PARP16: variants seen among roughly 807,000 people sequenced by gnomAD.
PARP16 encodes the protein poly(ADP-ribose) polymerase family member 16.
PARP16 carries 31 observed loss-of-function variants against 35.0 expected under a neutral mutation model. The observed-to-expected ratio is 0.88, with a 90% CI of 0.66 to 1.19. PARP16 has a LOEUF of 1.19. Ranked by LOEUF, PARP16 falls within the 50% of genes most tolerant of loss-of-function variation. The pLI is 0.00. For synonymous variants in PARP16, 162 were observed against 169.5 expected (o/e 0.96, Z 0.34); for missense variants, 424 against 411.2 (o/e 1.03, Z -0.27).
At position 65,259,325 on chromosome 15, in the gene PARP16, C is replaced by T; in HGVS notation, c.*82G>A. 2 of 1,449,342 alleles carry T rather than the reference C, an allele frequency of 1.4e-6. No individual in the cohort carries two copies. Among genetic ancestry groups the T allele is most frequent in the African/African-American group, 1.4e-5 (1 of 71,594 alleles). 89.8% of individuals were successfully genotyped at this position (1,449,342 alleles called of 1,614,324 possible). On this transcript the variant is annotated 3_prime_UTR_variant, in exon 6 of 6. Coordinates refer to ENST00000649807, the MANE Select transcript of PARP16 (RefSeq NM_001316943.2). Reference sequence around the variant, plus strand: ...CAACTGGCCCCTAGGCTCAACCTGGCTGGACATGAGGCATAGGAGGTACAG... The same window carrying T: ...CAACTGGCCCCTAGGCTCAACCTGGTTGGACATGAGGCATAGGAGGTACAG...
rs546354341 is a variant in PARP16, at chr15:65,250,980, T to C, written c.203-2752A>G. Among the ~76,000 whole-genome samples, 8 of 152,242 alleles carry C rather than the reference T, an allele frequency of 5.3e-5. No individual in the cohort carries two copies. The East Asian group carries it at 1.5e-3, about 29-fold the overall frequency. On this transcript the variant is annotated intron_variant and NMD_transcript_variant, in intron 2 of 3. Coordinates refer to the PARP16 transcript ENST00000559805. Reference sequence around the variant, plus strand: ...CTCGCTACAACCTTTGCCTCCCAGGTCCAAGCGATTCTCGTGCCTCAGCCT... The same window carrying C: ...CTCGCTACAACCTTTGCCTCCCAGGCCCAAGCGATTCTCGTGCCTCAGCCT...
chr15:65,272,326 GGAA>G lies in PARP16; in HGVS notation c.175-1257_175-1255del, dbSNP rs557942105. 8.4e-4 allele frequency among the ~76,000 whole-genome samples: 128 copies of G among 152,302 alleles called. 1 individual carries two copies. Among genetic ancestry groups the G allele is most frequent in the African/African-American group, 3.0e-3 (123 of 41,568 alleles). ...CACATTATTTACCATTCTAAAATCA[GGAA>G]GAATCGGAATCCTGAAACATATTCA... On this transcript the variant is annotated intron_variant, in intron 1 of 5. Coordinates refer to ENST00000649807, the MANE Select transcript of PARP16 (RefSeq NM_001316943.2).
chr15:65,269,709 T>C (rs188821897), intron 2 of PARP16, among the ~76,000 whole-genome samples: 7 of 152,334 alleles, frequency 4.6e-5, no homozygotes, highest in Non-Finnish European at 2.9e-5. Flanking sequence ...TGATGATACA[T>C]GGTAGGCTAA....
In PARP16 at chr15:65,261,027, C is replaced by G. The variant is rs1438582807; in HGVS notation, c.692-1G>C. ...CGTCTGCGATCTATCTCCTTGGAAT[C>G]TGAATAAGGAGAGTAAAACACATCT... On this transcript the variant is annotated splice_acceptor_variant, in intron 4 of 5. Transcript: ENST00000649807. LOFTEE classifies it high-confidence loss of function. The G allele has an allele frequency of 6.2e-7, 1 of 1,612,996 alleles. No individual in the cohort carries two copies.
At chr15:65,271,159 A>AACAAGTGAACGTTG in intron 1 of PARP16, 87 bp from the exon 2 acceptor site, 1 of 1,273,568 alleles carries the variant, frequency 7.9e-7, no homozygotes, top group South Asian at 1.2e-5. Flanking sequence ...GGCAACGTTC[A>AACAAGTGAACGTTG]CTTGTTGCAC....
chr15:65,250,397 C>G (rs1438534699), intron 2 of PARP16, among the ~76,000 whole-genome samples: 1 of 151,988 alleles, frequency 6.6e-6, no homozygotes, highest in Non-Finnish European at 1.5e-5. Flanking sequence ...GGATTACAGG[C>G]GTGAGCCACT....
At chr15:65,238,360 G>A (rs934040760) in intron 3 of PARP16, among the ~76,000 whole-genome samples, 8 of 152,104 alleles carry the variant, frequency 5.3e-5, no homozygotes, top group Middle Eastern at 3.2e-3. Context: ...TGGAGCCCAG[G>A]CATCCCCAGA....
intron 3 of PARP16, among the ~76,000 whole-genome samples, chr15:65,245,084 G>A (rs937233563): frequency 3.3e-5 from 5 of 152,208 alleles, no homozygotes; most frequent in Non-Finnish European, 7.4e-5. Context: ...CTGGGGGAGT[G>A]GGGAGGCTAT....
intron 1 of PARP16, among the ~76,000 whole-genome samples, chr15:65,271,276 T>C (rs544400467): frequency 3.8e-4 from 58 of 151,152 alleles, no homozygotes; most frequent in African/African-American, 1.4e-3. Context: ...TTTTGGTGGG[T>C]TTTTGTTTTG....
At position 65,270,965 on chromosome 15, in the gene PARP16, G is replaced by C. The variant is rs2090074145; in HGVS notation, c.282C>G (p.Val94=). Residue 94 remains valine, a synonymous_variant, in exon 2 of 6, where the codon GTC becomes GTG. Transcript: ENST00000649807. Reference sequence around the variant, plus strand: ...CCTTCCCTGCACTGTGGATTGTCAGGACCTTTGAGGATAAAATCCAGCTCA... The same window carrying C: ...CCTTCCCTGCACTGTGGATTGTCAGCACCTTTGAGGATAAAATCCAGCTCA... ...DLVSWILSSK[V]LTIHSAGKAE... 6.2e-7 allele frequency: 1 copy of C among 1,614,026 alleles called. No homozygotes were observed. The highest frequency in any genetic ancestry group is 8.5e-7 in the Non-Finnish European group (1 of 1,180,036).
At chr15:65,268,046 G>A (rs949516757) in intron 2 of PARP16, among the ~76,000 whole-genome samples, 3 of 151,928 alleles carry the variant, frequency 2.0e-5, no homozygotes, top group Non-Finnish European at 2.9e-5. Context: ...ATCATCTCAT[G>A]TTTATTGTAA....
intron 3 of PARP16, among the ~76,000 whole-genome samples, chr15:65,235,861 GTTTTTTTTT>G (rs752611247): frequency 8.2e-6 from 1 of 122,016 alleles, no homozygotes; most frequent in Admixed American, 8.6e-5. Context: ...TGCAGATATG[GTTTTTTTTT>G]TTTTTTTTTT....
At chr15:65,253,965 A>G (rs1416250156), downstream of PARP16, among the ~76,000 whole-genome samples, 1 of 151,810 alleles carries the variant, frequency 6.6e-6, no homozygotes, top group East Asian at 1.9e-4. Context: ...CTACAGGCGC[A>G]CACCACCACA....
downstream of PARP16, among the ~76,000 whole-genome samples, chr15:65,232,491 G>A (rs535697219): frequency 3.5e-4 from 54 of 152,318 alleles, no homozygotes; most frequent in African/African-American, 1.3e-3. Flanking sequence ...ATACTGAACT[G>A]TACACAAAAC....
In PARP16 at chr15:65,259,248, A is replaced by G. The variant is rs181578538; in HGVS notation, c.*159T>C. On this transcript the variant is annotated 3_prime_UTR_variant, in exon 6 of 6. Transcript: ENST00000649807. ...TGACTGGAGTATGGCTGGGAACATC[A>G]TCAAAGGCAATGGATACATTTAGGC... is the stretch of plus-strand genomic sequence containing the variant. 2.5e-3 allele frequency: 1,718 copies of G among 698,518 alleles called. 5 individuals carry two copies. Among genetic ancestry groups the G allele is most frequent in the Non-Finnish European group, 3.0e-3 (1,177 of 392,914 alleles). 43.3% of individuals were successfully genotyped at this position (698,518 alleles called of 1,614,324 possible). A position where few individuals can be genotyped will look rare whatever the true frequency, so the allele number is the denominator to read the frequency against.
intron 1 of PARP16, among the ~76,000 whole-genome samples, chr15:65,283,734 G>A (rs888677792): frequency 6.6e-6 from 1 of 152,130 alleles, no homozygotes; most frequent in Non-Finnish European, 1.5e-5. Flanking sequence ...AGTATGAGAG[G>A]TTAACACTGT....
chr15:65,244,878 G>A (rs769183347), intron 3 of PARP16, among the ~76,000 whole-genome samples: 3 of 152,218 alleles, frequency 2.0e-5, no homozygotes, highest in Admixed American at 6.5e-5. Flanking sequence ...GAGTAGGTCA[G>A]GCAGCTGTTG....
intron 2 of PARP16, among the ~76,000 whole-genome samples, chr15:65,248,490 C>T (rs2089271200): frequency 1.3e-5 from 2 of 152,056 alleles, no homozygotes; most frequent in African/African-American, 4.8e-5. Flanking sequence ...TGGGCTTATA[C>T]AGATGTGAAT....
At chr15:65,239,424 T>TAAAAAAAAAAAAAAAAAAAAA (rs758350761) in intron 3 of PARP16, among the ~76,000 whole-genome samples, 1 of 6,960 alleles carries the variant, frequency 1.4e-4, no homozygotes, top group Non-Finnish European at 2.2e-4. Flanking sequence ...AGACTTTGCC[T>TAAAAAAAAAAAAAAAAAAAAA]AAAAAAAAAA....
Sources: gnomAD v4.1 joint callset for allele counts (sites outside exome capture counted in the v4.1 genomes callset) on GRCh38, gnomAD v4.1.1 for gene constraint, MANE v1.5 for transcripts, NCBI Gene and HGNC (gene_info 2026-07-23, HGNC 2026-07-21) for gene names.